The following BDP1 variants were observed in gnomAD, a reference collection of about 807,000 sequenced individuals.
The protein encoded by BDP1 is transcription factor TFIIIB component B'' homolog.
BDP1 carries 169 observed loss-of-function variants against 266.6 expected under a neutral mutation model. The ratio of observed to expected loss-of-function variants is 0.63; its 90% confidence interval spans 0.56 to 0.72. The LOEUF is 0.72. BDP1 is among the 30% of genes least tolerant of loss of function. BDP1 has a pLI of 0.00. For missense variants in BDP1, 3,015 were observed against 3,053.8 expected (o/e 0.99, Z 0.30); for synonymous variants, 1,090 against 1,022.4 (o/e 1.07, Z -1.26).
At chr5:71,570,495 A>G (rs1744231410), downstream of BDP1, among the ~76,000 whole-genome samples, 1 of 152,346 alleles carries the variant, frequency 6.6e-6, no homozygotes. Context: ...TTCTTGCACA[A>G]CAGACCTAGA....
At chr5:71,458,208 T>A (rs911528501) in intron 1 of BDP1, among the ~76,000 whole-genome samples, 24 of 152,232 alleles carry the variant, frequency 1.6e-4, no homozygotes, top group African/African-American at 3.6e-4. Flanking sequence ...AAAATTTTTT[T>A]AAATTTTATA....
the BDP1 span, among the ~76,000 whole-genome samples, chr5:71,576,148 C>A: frequency 6.6e-6 from 1 of 152,124 alleles, no homozygotes; most frequent in African/African-American, 2.4e-5. Flanking sequence ...CCATGTTAGC[C>A]ATAATATCCT....
intron 38 of BDP1, chr5:71,562,758 C>T: frequency 7.1e-7 from 1 of 1,412,630 alleles, no homozygotes; most frequent in Non-Finnish European, 9.4e-7. Context: ...CACTTAATAG[C>T]CATTCCTTTA....
At chr5:71,498,622 C>T (rs1191977740) in intron 13 of BDP1, among the ~76,000 whole-genome samples, 1 of 151,048 alleles carries the variant, frequency 6.6e-6, no homozygotes, top group East Asian at 2.0e-4. Context: ...CAGGGTTTCA[C>T]CTTGTTGGCC....
In BDP1 at chr5:71,510,231, C is replaced by G. The variant is rs996747338; in HGVS notation, c.3139C>G (p.Gln1047Glu). The G allele has an allele frequency of 1.2e-6, 2 of 1,612,030 alleles. No homozygotes were observed. Among genetic ancestry groups the G allele is most frequent in the Non-Finnish European group, 8.5e-7 (1 of 1,179,650 alleles). ...LEETEREVSP[Q>E]ENGLEEVKPL... Reference sequence around the variant, plus strand: ...AGAAACTGAAAGAGAAGTATCCCCACAGGAAAATGGACTAGAGGAGGTCAA... The same window carrying G: ...AGAAACTGAAAGAGAAGTATCCCCAGAGGAAAATGGACTAGAGGAGGTCAA... The change falls in exon 17 of 39, where the codon CAG (glutamine) becomes GAG (glutamate). Residue 1047 changes from glutamine (Q) to glutamate (E), a missense_variant. By Grantham distance (29) the Gln-to-Glu change is conservative (BLOSUM62 2). Transcript: ENST00000358731.
downstream of BDP1, among the ~76,000 whole-genome samples, chr5:71,571,587 T>TG (rs1397240817): frequency 3.9e-5 from 6 of 152,056 alleles, no homozygotes; most frequent in Non-Finnish European, 7.3e-5. Context: ...TTGGAGGGCT[T>TG]ATTAAACACG....
At chr5:71,568,307 T>C (rs967409258), downstream of BDP1, among the ~76,000 whole-genome samples, 3 of 152,204 alleles carry the variant, frequency 2.0e-5, no homozygotes, top group East Asian at 1.9e-4. Context: ...CTGTCTTACA[T>C]TGGGTTTCAC....
rs869174435 is a variant in BDP1, at chr5:71,473,262, ATTTTTTTTTTTT to A, written c.1014+2792_1014+2803del. ...TAATGAACCAACTTTTCTTAATGTAATTTTTTTTTTTTTTTTTTTTTTTTTTTTTTGAGATGG... is the reference window on the plus strand; with the variant it reads ...TAATGAACCAACTTTTCTTAATGTAATTTTTTTTTTTTTTTTTTGAGATGG... On this transcript the variant is annotated intron_variant, in intron 7 of 38. Coordinates refer to ENST00000358731, the MANE Select transcript of BDP1 (RefSeq NM_018429.3). Among the ~76,000 whole-genome samples, 7 of 59,962 alleles carry A rather than the reference ATTTTTTTTTTTT, an allele frequency of 1.2e-4. No individual in the cohort carries two copies. The East Asian group carries it at 2.3e-3, about 20-fold the overall frequency. The allele number at this position is 59,962 out of a possible 152,430, so 39.3% of individuals were successfully genotyped here.
At chr5:71,539,100 G>A (rs1422275855) in intron 27 of BDP1, 22 bp downstream of exon 27, 3 of 1,542,384 alleles carry the variant, frequency 1.9e-6, no homozygotes, top group South Asian at 1.1e-5. Context: ...CAAGGAAACT[G>A]CTAAGACTAC....
chr5:71,478,574 T>C (rs1358670881), intron 7 of BDP1, among the ~76,000 whole-genome samples: 3 of 152,192 alleles, frequency 2.0e-5, no homozygotes, highest in African/African-American at 7.2e-5. Flanking sequence ...CTCCTGGCTT[T>C]CAGTGTTGCT....
At chr5:71,508,738 A>G (rs189573020) in intron 16 of BDP1, among the ~76,000 whole-genome samples, 3 of 152,308 alleles carry the variant, frequency 2.0e-5, no homozygotes, top group Admixed American at 2.0e-4. Flanking sequence ...ATTCATTTAT[A>G]TGTTTATTGA....
chr5:71,538,793 A>T (rs1036425295), intron 26 of BDP1, among the ~76,000 whole-genome samples: 3 of 152,216 alleles, frequency 2.0e-5, no homozygotes, highest in Non-Finnish European at 2.9e-5. Flanking sequence ...TAACAAAATG[A>T]TAAGAGTTAA....
downstream of BDP1, among the ~76,000 whole-genome samples, chr5:71,571,615 C>T (rs1744265995): frequency 8.1e-6 from 1 of 123,726 alleles, no homozygotes. Context: ...GGGCCCCAAT[C>T]CTGAAGTTTA....
chr5:71,486,568 C>A lies in BDP1; in HGVS notation c.1154C>A (p.Ser385Tyr), dbSNP rs200994635. The change falls in exon 9 of 39, where the codon TCT becomes TAT. Residue 385 changes from serine (S) to tyrosine (Y), a missense_variant. Coordinates refer to ENST00000358731, the MANE Select transcript of BDP1 (RefSeq NM_018429.3). ...LAEEEKRKQK[S>Y]VKNHSLKEKK... Reference sequence around the variant, plus strand: ...GAAGAAGAGAAAAGAAAACAAAAATCTGTTAAAAATCACAGTTTAAAGGAG... The same window carrying A: ...GAAGAAGAGAAAAGAAAACAAAAATATGTTAAAAATCACAGTTTAAAGGAG... The A allele has an allele frequency of 6.5e-7, 1 of 1,542,238 alleles. No homozygotes were observed. Among genetic ancestry groups the A allele is most frequent in the Non-Finnish European group, 8.6e-7 (1 of 1,157,936 alleles).
intron 13 of BDP1, 98 bp from the exon 14 acceptor site, chr5:71,501,464 G>A (rs1291403656): frequency 1.1e-5 from 9 of 785,528 alleles, no homozygotes; most frequent in East Asian, 7.7e-5. Context: ...TTGAGCCACC[G>A]TGCCCGGCCA....
intron 7 of BDP1, among the ~76,000 whole-genome samples, chr5:71,473,454 T>G (rs1396240398): frequency 1.3e-5 from 2 of 151,512 alleles, no homozygotes; most frequent in Non-Finnish European, 2.9e-5. Flanking sequence ...TTTTGTATTT[T>G]TAGTTGAGAC....
intron 16 of BDP1, among the ~76,000 whole-genome samples, chr5:71,509,069 C>G (rs441691): frequency 0.45 from 68,212 of 151,868 alleles, 15,676 homozygotes; most frequent in South Asian, 0.55. Context: ...TTATGGCAAA[C>G]CATTTGTCTG....
intron 35 of BDP1, 25 bp from the exon 36 acceptor site, chr5:71,556,859 ATT>A: frequency 8.4e-7 from 1 of 1,183,444 alleles, no homozygotes; most frequent in Non-Finnish European, 1.2e-6. Context: ...AAATTTCTAA[ATT>A]TTTTTTTAAA....
chr5:71,562,268 T>G lies in BDP1; in HGVS notation c.7497-6T>G. The G allele has an allele frequency of 6.3e-7, 1 of 1,593,298 alleles. No individual in the cohort carries two copies. The highest frequency in any genetic ancestry group is 8.5e-7 in the Non-Finnish European group (1 of 1,173,190). On this transcript the variant is annotated splice_polypyrimidine_tract_variant and splice_region_variant and intron_variant, in intron 37 of 38. Transcript: ENST00000358731. Reference sequence around the variant, plus strand: ...TTCTTGAATATCGTTACATTTGTATTTCTAGACCTGGCAGAAGACCCCTGG... The same window carrying G: ...TTCTTGAATATCGTTACATTTGTATGTCTAGACCTGGCAGAAGACCCCTGG...
Sources: gnomAD v4.1 joint callset for allele counts (sites outside exome capture counted in the v4.1 genomes callset) on GRCh38, gnomAD v4.1.1 for gene constraint, MANE v1.5 for transcripts, NCBI Gene and HGNC (gene_info 2026-07-23, HGNC 2026-07-21) for gene names.